Variants in NIBAN1 observed in about 807,000 individuals in gnomAD.
The protein encoded by NIBAN1 is niban apoptosis regulator 1, also known as protein Niban 1.
NIBAN1 carries 81 observed loss-of-function variants against 75.1 expected under a neutral mutation model. The observed-to-expected ratio is 1.08, with a 90% CI of 0.90 to 1.30. NIBAN1 has a LOEUF of 1.30. Among genes scored for constraint, NIBAN1 ranks in the 50% most tolerant of loss-of-function variants. NIBAN1 has a pLI of 0.00. For missense variants in NIBAN1, 1,133 were observed against 1,128.1 expected, an observed-to-expected ratio of 1.00 and a Z score of -0.06; for synonymous variants, 436 against 424.8, an observed-to-expected ratio of 1.03 and a Z score of -0.32.
intron 5 of NIBAN1, among the ~76,000 whole-genome samples, chr1:184,837,089 C>T (rs1655163384): frequency 6.6e-6 from 1 of 152,208 alleles, no homozygotes; most frequent in African/African-American, 2.4e-5. Context: ...TGAGCTCAGT[C>T]AGAATGTACA....
At chr1:184,892,783 T>A (rs956411736) in intron 3 of NIBAN1, among the ~76,000 whole-genome samples, 2 of 152,002 alleles carry the variant, frequency 1.3e-5, no homozygotes, top group African/African-American at 4.8e-5. Flanking sequence ...CTTTTTTTAT[T>A]TTTTTTGAGA....
chr1:184,797,315 T>A (rs1349754742), intron 13 of NIBAN1, among the ~76,000 whole-genome samples: 2 of 152,008 alleles, frequency 1.3e-5, no homozygotes, highest in Non-Finnish European at 2.9e-5. Flanking sequence ...AATTTTTTAA[T>A]ATTTTTAGTA....
At chr1:184,831,556 C>T (rs997153116) in intron 6 of NIBAN1, among the ~76,000 whole-genome samples, 3 of 152,158 alleles carry the variant, frequency 2.0e-5, no homozygotes, top group Admixed American at 6.5e-5. Context: ...TCTGGAAGCA[C>T]GAGGTCATTT....
intron 5 of NIBAN1, among the ~76,000 whole-genome samples, chr1:184,881,685 A>C (rs1381112680): frequency 6.6e-6 from 1 of 152,178 alleles, no homozygotes; most frequent in Non-Finnish European, 1.5e-5. Flanking sequence ...GATATGCTAA[A>C]CAAGGGGTGG....
At chr1:184,854,096 T>A (rs1271929086) in intron 5 of NIBAN1, among the ~76,000 whole-genome samples, 1 of 152,174 alleles carries the variant, frequency 6.6e-6, no homozygotes, top group Non-Finnish European at 1.5e-5. Flanking sequence ...TAGTACTAAG[T>A]CTTTGAAATC....
At chr1:184,953,727 C>T (rs1487344222) in intron 1 of NIBAN1, among the ~76,000 whole-genome samples, 3 of 152,094 alleles carry the variant, frequency 2.0e-5, no homozygotes, top group Non-Finnish European at 1.5e-5. Context: ...AGGAGTTTCT[C>T]GTGGAAGTGC....
intron 1 of NIBAN1, 114 bp downstream of exon 1, chr1:184,974,188 C>G (rs1248668517): frequency 9.1e-7 from 1 of 1,098,272 alleles, no homozygotes; most frequent in Non-Finnish European, 1.2e-6. Context: ...GGTCGGGGAT[C>G]CCCGCGCGCT....
chr1:184,960,226 A>G (rs895348103), intron 1 of NIBAN1, among the ~76,000 whole-genome samples: 11 of 152,212 alleles, frequency 7.2e-5, no homozygotes, highest in Non-Finnish European at 1.3e-4. Context: ...GTTTAAATTT[A>G]AATAAGAATT....
chr1:184,904,373 A>G (rs1480895795), intron 1 of NIBAN1, among the ~76,000 whole-genome samples: 2 of 152,158 alleles, frequency 1.3e-5, no homozygotes, highest in African/African-American at 4.8e-5. Flanking sequence ...ATATTTCCTT[A>G]TAGCAACGGA....
At chr1:184,816,418 A>G (rs570605247) in intron 9 of NIBAN1, among the ~76,000 whole-genome samples, 1 of 152,216 alleles carries the variant, frequency 6.6e-6, no homozygotes, top group South Asian at 2.1e-4. Context: ...AATGATGGTA[A>G]CTGAAAGTGG....
chr1:184,946,051 G>T (rs78156768), intron 1 of NIBAN1, among the ~76,000 whole-genome samples: 1,711 of 151,890 alleles, frequency 0.011, 31 homozygotes, highest in African/African-American at 0.038. Flanking sequence ...GAGAGTTTTG[G>T]GTCTCTCCAA....
At chr1:184,890,788 A>G (rs1000411785) in intron 3 of NIBAN1, among the ~76,000 whole-genome samples, 3 of 152,252 alleles carry the variant, frequency 2.0e-5, no homozygotes, top group Admixed American at 1.3e-4. Flanking sequence ...ATGGAAGTAC[A>G]GCACTGTGAC....
chr1:184,869,698 T>C (rs938837123), intron 5 of NIBAN1, among the ~76,000 whole-genome samples: 37 of 152,194 alleles, frequency 2.4e-4, no homozygotes, highest in African/African-American at 8.7e-4. Flanking sequence ...TGCGCCACCA[T>C]GCCCGGCTAA....
At chr1:184,967,041 A>T (rs1313658755) in intron 1 of NIBAN1, among the ~76,000 whole-genome samples, 1 of 152,150 alleles carries the variant, frequency 6.6e-6, no homozygotes, top group Admixed American at 6.5e-5. Context: ...AGTGAGAAAA[A>T]ACATACAGTA....
intron 5 of NIBAN1, among the ~76,000 whole-genome samples, chr1:184,837,270 T>C (rs1655168301): frequency 6.6e-6 from 1 of 152,198 alleles, no homozygotes; most frequent in Non-Finnish European, 1.5e-5. Flanking sequence ...AGCAGTCTCC[T>C]GGCAAGCCAA....
At chr1:184,864,798 A>G (rs961399596) in intron 5 of NIBAN1, among the ~76,000 whole-genome samples, 4 of 152,054 alleles carry the variant, frequency 2.6e-5, no homozygotes, top group African/African-American at 7.2e-5. Context: ...GACAATTCTC[A>G]GAAGAAGACA....
intron 5 of NIBAN1, 42 bp from the exon 6 acceptor site, chr1:184,832,004 C>A (rs747324107): frequency 7.0e-7 from 1 of 1,421,208 alleles, no homozygotes; most frequent in South Asian, 1.1e-5. Context: ...ATAAAACACT[C>A]TAGATTTCCC....
At chr1:184,947,300 C>T (rs542687110) in intron 1 of NIBAN1, among the ~76,000 whole-genome samples, 1 of 152,092 alleles carries the variant, frequency 6.6e-6, no homozygotes, top group South Asian at 2.1e-4. Flanking sequence ...CACAGAAGAA[C>T]AAATAATGTA....
chr1:184,922,182 T>C (rs533073527), intron 1 of NIBAN1, among the ~76,000 whole-genome samples: 1 of 152,320 alleles, frequency 6.6e-6, no homozygotes, highest in Admixed American at 6.5e-5. Flanking sequence ...ATAAAATGTG[T>C]AATAATCACA....
Sources: allele counts gnomAD v4.1 joint callset (sites outside exome capture counted in the v4.1 genomes callset), GRCh38; gene constraint gnomAD v4.1.1; transcripts MANE v1.5; gene names NCBI Gene and HGNC (gene_info 2026-07-23, HGNC 2026-07-21).